Variants in ABCA1 observed in about 807,000 individuals in gnomAD.
The protein encoded by ABCA1 is ATP binding cassette subfamily A member 1.
ABCA1 carries 133 observed loss-of-function variants against 262.5 expected under a neutral mutation model. That is an observed-to-expected ratio of 0.51 (90% CI 0.44 to 0.59). ABCA1 has a LOEUF of 0.59. ABCA1 is among the 20% of genes least tolerant of loss of function. ABCA1 has a pLI of 0.00. For synonymous variants in ABCA1, 1,022 were observed against 1,043.5 expected, an observed-to-expected ratio of 0.98 and a Z score of 0.40; for missense variants, 2,452 against 2,777.5, an observed-to-expected ratio of 0.88 and a Z score of 2.63.
intron 17 of ABCA1, 117 bp downstream of exon 17, chr9:104,825,566 T>C (rs1832743723): frequency 2.0e-6 from 2 of 1,003,972 alleles, no homozygotes; most frequent in Non-Finnish European, 3.1e-6. Context: ...CTGTTTACTA[T>C]AGATCTATAG....
intron 13 of ABCA1, 110 bp from the exon 14 acceptor site, chr9:104,831,211 ATTTTTGTATCTTTTT>A: frequency 9.4e-7 from 1 of 1,058,310 alleles, no homozygotes; most frequent in Non-Finnish European, 1.3e-6. Flanking sequence ...CCCTTTTTCT[ATTTTTGTATCTTTTT>A]TTTTTTTTGA....
rs1489055948 is a variant in ABCA1 at position 104,787,952 on chromosome 9, C to T, written c.6172G>A (p.Ala2058Thr). The change falls in exon 46 of 50, where the codon GCT (alanine) becomes ACT (threonine). Residue 2058 changes from alanine (A) to threonine (T), a missense_variant. Transcript: ENST00000374736. Reference protein sequence around the residue: ...GNKRKLSTAMALIGGPPVVFL... With the variant: ...GNKRKLSTAMTLIGGPPVVFL... ...ACCACAGGAGGCCCGCCGATCAAAG[C>T]CATGGCTGTAGAGAGCTTGCGTTTG... 2 of 1,614,194 alleles carry T rather than the reference C, an allele frequency of 1.2e-6. No individual in the cohort carries two copies. Among genetic ancestry groups the T allele is most frequent in the South Asian group, 2.2e-5 (2 of 91,080 alleles).
intron 6 of ABCA1, 194 bp downstream of exon 6, chr9:104,861,485 G>T: frequency 2.9e-6 from 2 of 701,378 alleles, no homozygotes; most frequent in Non-Finnish European, 4.9e-6. Flanking sequence ...ATGACGCCAG[G>T]TTGCATATTC....
rs1160364171 is a variant in ABCA1 at position 104,790,963 on chromosome 9, A to G, written c.5886T>C (p.Asp1962=). ...AAGCATCTCCTCTGGTAACAGTGGT[A>G]TCTCCTGTTAACATCTTGAAAGTTG... The part of the protein sequence containing the change: ...KSSTFKMLTG[D]TTVTRGDAFL... Residue 1962 remains aspartate, a synonymous_variant, in exon 44 of 50, where the codon GAT becomes GAC. Coordinates refer to ENST00000374736, the MANE Select transcript of ABCA1 (RefSeq NM_005502.4). 1.2e-6 allele frequency: 2 copies of G among 1,613,652 alleles called. No homozygotes were observed. The highest frequency in any genetic ancestry group is 1.7e-6 in the Non-Finnish European group (2 of 1,179,762).
At chr9:104,895,041 A>C (rs1418384101) in intron 2 of ABCA1, among the ~76,000 whole-genome samples, 1 of 152,176 alleles carries the variant, frequency 6.6e-6, no homozygotes, top group African/African-American at 2.4e-5. Flanking sequence ...CTCCTTCTCT[A>C]AGCTTAGCAC....
intron 5 of ABCA1, among the ~76,000 whole-genome samples, chr9:104,882,227 T>C (rs1342402322): frequency 6.6e-6 from 1 of 152,058 alleles, no homozygotes; most frequent in Non-Finnish European, 1.5e-5. Flanking sequence ...TGGTCCATGA[T>C]GGGGAGGAGT....
intron 5 of ABCA1, among the ~76,000 whole-genome samples, chr9:104,882,275 G>T (rs1838748388): frequency 6.6e-6 from 1 of 152,134 alleles, no homozygotes; most frequent in East Asian, 1.9e-4. Context: ...ACCGGCGCAT[G>T]ATAATAATAA....
chr9:104,869,680 G>A (rs1837428081), intron 5 of ABCA1, among the ~76,000 whole-genome samples: 1 of 152,148 alleles, frequency 6.6e-6, no homozygotes, highest in Non-Finnish European at 1.5e-5. Context: ...GGGAGAGTAG[G>A]CCAGGGGTGT....
chr9:104,827,033 C>T lies in ABCA1; in HGVS notation c.2252G>A (p.Gly751Asp). The T allele has an allele frequency of 6.2e-7, 1 of 1,614,174 alleles. No individual in the cohort carries two copies. The change falls in exon 16 of 50, where the codon GGC becomes GAC. Residue 751 changes from glycine to aspartate, a missense_variant. Gly to Asp is a moderately conservative substitution (Grantham distance 94, BLOSUM62 -1). Around this residue, in one of 4 missense-constraint regions of ABCA1, gnomAD observed 1,032 missense variants for 1,089.7 expected, o/e 0.95. Transcript: ENST00000374736. ...CAGGTACAGCGTGAAGTAGATGATG[C>T]CCCCACAGGCTGCTGCCAGGTTGGC... ...SRANLAAACGGIIYFTLYLPY... is the reference protein window; with the variant it reads ...SRANLAAACGDIIYFTLYLPY...
At position 104,820,167 on chromosome 9, in the gene ABCA1, C is replaced by T. The variant is rs1176391852; in HGVS notation, c.2961-98G>A. The T allele has an allele frequency of 2.7e-6, 4 of 1,458,188 alleles. No homozygotes were observed. In the East Asian group the frequency reaches 9.1e-5, roughly 33 times the overall value. 90.3% of individuals were successfully genotyped at this position (1,458,188 alleles called of 1,614,324 possible). ...CAGATGAGAATGGGCATATTTTTCT[C>T]TCCCCGTGCTTTTTAAAATAACTTT... On this transcript the variant is annotated intron_variant, in intron 20 of 49. Coordinates refer to ENST00000374736, the MANE Select transcript of ABCA1 (RefSeq NM_005502.4).
In ABCA1 at chr9:104,788,070, G is replaced by A. The variant is rs1303709301; in HGVS notation, c.6070-16C>T. 5 of 1,613,642 alleles carry A rather than the reference G, an allele frequency of 3.1e-6. No individual in the cohort carries two copies. Among genetic ancestry groups the A allele is most frequent in the Non-Finnish European group, 4.2e-6 (5 of 1,179,662 alleles). ...ACTCACCAACCTACAGTGATAAAAA[G>A]CACCTTGACTTTGGTCTGGCTTGGG... is the stretch of plus-strand genomic sequence containing the variant. On this transcript the variant is annotated splice_polypyrimidine_tract_variant and intron_variant, in intron 45 of 49. Coordinates refer to ENST00000374736, the MANE Select transcript of ABCA1 (RefSeq NM_005502.4).
chr9:104,902,895 G>A (rs928967054), intron 2 of ABCA1, among the ~76,000 whole-genome samples: 3 of 152,058 alleles, frequency 2.0e-5, no homozygotes, highest in Non-Finnish European at 2.9e-5. Context: ...AGGAACAAGA[G>A]ACTTAGAAAC....
In ABCA1 at chr9:104,817,241, C is replaced by G; in HGVS notation, c.3535+91G>C. The G allele has an allele frequency of 6.2e-7, 1 of 1,609,348 alleles. No individual in the cohort carries two copies. Among genetic ancestry groups the G allele is most frequent in the Non-Finnish European group, 8.5e-7 (1 of 1,178,456 alleles). Reference sequence around the variant, plus strand: ...AGCAGCAAACCTTGAGTCAGCGCCACCAGCCTCTGCACCTCTCCTCCTCTG... The same window carrying G: ...AGCAGCAAACCTTGAGTCAGCGCCAGCAGCCTCTGCACCTCTCCTCCTCTG... On this transcript the variant is annotated intron_variant, in intron 24 of 49. Coordinates refer to ENST00000374736, the MANE Select transcript of ABCA1 (RefSeq NM_005502.4). The surrounding 1 kb of genome is among the most constrained non-coding windows in gnomAD (Gnocchi z 4.7).
At chr9:104,791,814 C>T in intron 43 of ABCA1, 122 bp downstream of exon 43, 1 of 901,248 alleles carries the variant, frequency 1.1e-6, no homozygotes, top group Admixed American at 2.0e-5. Flanking sequence ...ATTGCTCCAT[C>T]CTGGCATAAA....
intron 37 of ABCA1, 125 bp from the exon 38 acceptor site, chr9:104,796,549 T>G: frequency 1.3e-6 from 1 of 762,918 alleles, no homozygotes; most frequent in Non-Finnish European, 2.3e-6. Flanking sequence ...TCTGAATTAA[T>G]GAAGCCACAT....
At chr9:104,883,842 G>T (rs879573925) in intron 4 of ABCA1, among the ~76,000 whole-genome samples, 1 of 152,136 alleles carries the variant, frequency 6.6e-6, no homozygotes, top group Admixed American at 6.5e-5. Flanking sequence ...GTCTCATTTG[G>T]GGGACACTTA....
intron 5 of ABCA1, among the ~76,000 whole-genome samples, chr9:104,880,686 G>A (rs1653867033): frequency 6.6e-6 from 1 of 152,136 alleles, no homozygotes; most frequent in Non-Finnish European, 1.5e-5. Context: ...TTAAGAAACA[G>A]CTGCAAGGCA....
intron 30 of ABCA1, among the ~76,000 whole-genome samples, chr9:104,808,654 T>G (rs1209834441): frequency 1.3e-5 from 2 of 152,246 alleles, no homozygotes; most frequent in African/African-American, 2.4e-5. Context: ...CAGGTTATCA[T>G]GCTCACTGTT....
intron 16 of ABCA1, among the ~76,000 whole-genome samples, chr9:104,826,729 A>G (rs1178565664): frequency 3.9e-5 from 6 of 152,208 alleles, no homozygotes; most frequent in Non-Finnish European, 8.8e-5. Flanking sequence ...ATTCCATTCA[A>G]TTCAATTCAA....
Sources: gnomAD v4.1 joint callset for allele counts (sites outside exome capture counted in the v4.1 genomes callset) on GRCh38, gnomAD v4.1.1 for gene constraint, gnomAD v4.1.1 regional missense constraint, Gnocchi (gnomAD v3.1) non-coding constraint, MANE v1.5 for transcripts, NCBI Gene and HGNC (gene_info 2026-07-23, HGNC 2026-07-21) for gene names.